RAB27A: variants seen among roughly 807,000 people sequenced by gnomAD.
RAB27A encodes ras-related protein Rab-27A.
RAB27A carries 17 observed loss-of-function variants against 20.8 expected under a neutral mutation model. That is an observed-to-expected ratio of 0.82 (90% CI 0.56 to 1.23). RAB27A has a LOEUF of 1.23. Among genes scored for constraint, RAB27A ranks in the 50% most tolerant of loss-of-function variants. The probability of loss-of-function intolerance (pLI) is 0.00; values close to 1 mark genes in which losing one functional copy is unlikely to be tolerated. For missense variants in RAB27A, 277 were observed against 266.7 expected, an observed-to-expected ratio of 1.04 and a Z score of -0.27; for synonymous variants, 85 against 92.8, an observed-to-expected ratio of 0.92 and a Z score of 0.48.
chr15:55,206,536 T>C (rs1053911848), intron 6 of RAB27A, among the ~76,000 whole-genome samples: 1 of 151,988 alleles, frequency 6.6e-6, no homozygotes, highest in African/African-American at 2.4e-5. Flanking sequence ...AGAGACAGGG[T>C]TTTACCATGT....
chr15:55,318,429 A>G lies in RAB27A; in HGVS notation c.-234+502T>C, dbSNP rs561543603. Among the ~76,000 whole-genome samples, 3 of 139,180 alleles carry G rather than the reference A, an allele frequency of 2.2e-5. No homozygotes were observed. The South Asian group carries it at 8.0e-4, about 37-fold the overall frequency. 91.3% of individuals were successfully genotyped at this position (139,180 alleles called of 152,430 possible). A position where few individuals can be genotyped will look rare whatever the true frequency, so the allele number is the denominator to read the frequency against. Reference sequence around the variant, plus strand: ...ACTTTTAACAAGAGGAGTGGGCCGCACGCGGTGGCTCACGCCTGTAATCCC... The same window carrying G: ...ACTTTTAACAAGAGGAGTGGGCCGCGCGCGGTGGCTCACGCCTGTAATCCC... On this transcript the variant is annotated intron_variant, in intron 1 of 5. Transcript: ENST00000563262.
intron 6 of RAB27A, 27 bp downstream of exon 6, chr15:55,223,862 T>C: frequency 6.2e-7 from 1 of 1,611,528 alleles, no homozygotes; most frequent in Non-Finnish European, 8.5e-7. Context: ...AAATGTTTTC[T>C]CTAGACTTCT....
At chr15:55,273,249 A>G (rs1476211640) in intron 1 of RAB27A, among the ~76,000 whole-genome samples, 4 of 151,920 alleles carry the variant, frequency 2.6e-5, no homozygotes, top group Non-Finnish European at 5.9e-5. Context: ...TCTACTAAAA[A>G]TACAAAAAAA....
At chr15:55,263,944 C>T (rs1287541289) in intron 2 of RAB27A, among the ~76,000 whole-genome samples, 4 of 152,170 alleles carry the variant, frequency 2.6e-5, no homozygotes, top group African/African-American at 7.2e-5. Context: ...TTTAGTCTTA[C>T]AAAAAACCAC....
At chr15:55,258,570 G>C (rs1398867472) in intron 2 of RAB27A, among the ~76,000 whole-genome samples, 1 of 152,134 alleles carries the variant, frequency 6.6e-6, no homozygotes, top group Non-Finnish European at 1.5e-5. Flanking sequence ...AAATTCCTGG[G>C]CTATACCTAT....
chr15:55,259,848 G>A (rs1468240424), intron 2 of RAB27A: 1 of 152,108 alleles, frequency 6.6e-6, no homozygotes, highest in Admixed American at 6.5e-5. Context: ...GACCATCCCT[G>A]GGCCAGTGCC....
At chr15:55,303,768 G>A (rs1183163928) in intron 2 of RAB27A, among the ~76,000 whole-genome samples, 8 of 99,406 alleles carry the variant, frequency 8.0e-5, no homozygotes, top group African/African-American at 2.1e-4. Context: ...CCGGCCAGCC[G>A]CCCCGTCCGG....
intron 1 of RAB27A, among the ~76,000 whole-genome samples, chr15:55,275,906 A>G (rs1897854363): frequency 8.0e-6 from 1 of 125,130 alleles, no homozygotes; most frequent in Non-Finnish European, 1.6e-5. Flanking sequence ...CACATCTGCT[A>G]GGATGGCTAA....
At chr15:55,293,773 C>CG (rs2054935039), upstream of RAB27A, among the ~76,000 whole-genome samples, 1 of 151,988 alleles carries the variant, frequency 6.6e-6, no homozygotes, top group Non-Finnish European at 1.5e-5. Context: ...AAAATTTAGC[C>CG]GGGCGTGGTG....
At chr15:55,279,175 T>C (rs1897951572) in intron 1 of RAB27A, among the ~76,000 whole-genome samples, 1 of 152,178 alleles carries the variant, frequency 6.6e-6, no homozygotes, top group African/African-American at 2.4e-5. Flanking sequence ...AGACTCTTAA[T>C]AAAGGCCCCC....
chr15:55,228,545 A>G, intron 5 of RAB27A, 64 bp downstream of exon 5: 4 of 1,221,460 alleles, frequency 3.3e-6, no homozygotes, highest in Non-Finnish European at 4.9e-6. Context: ...AGTAGAGCAT[A>G]AGAGGGCATT....
At chr15:55,259,059 G>A (rs986527387) in intron 2 of RAB27A, among the ~76,000 whole-genome samples, 6 of 152,124 alleles carry the variant, frequency 3.9e-5, no homozygotes, top group South Asian at 4.2e-4. Flanking sequence ...CAAGTGATCC[G>A]CCCACCTTGG....
intron 4 of RAB27A, among the ~76,000 whole-genome samples, chr15:55,229,762 T>C (rs1199982056): frequency 2.0e-5 from 3 of 152,114 alleles, no homozygotes; most frequent in African/African-American, 4.8e-5. Flanking sequence ...TTCTAAATTA[T>C]ATGGTAAGGG....
chr15:55,231,798 A>G (rs1439273034), intron 3 of RAB27A, among the ~76,000 whole-genome samples: 1 of 152,164 alleles, frequency 6.6e-6, no homozygotes, highest in Non-Finnish European at 1.5e-5. Flanking sequence ...GCTCTTTGAG[A>G]ACAGCCCTAT....
intron 2 of RAB27A, among the ~76,000 whole-genome samples, chr15:55,310,707 A>T (rs1424829269): frequency 6.6e-6 from 1 of 152,102 alleles, no homozygotes; most frequent in Non-Finnish European, 1.5e-5. Context: ...TCTATTATAA[A>T]AAACCGAGGT....
rs188595142 is a variant in RAB27A, at chr15:55,262,410, T to C, written c.-23+7755A>G. Among the ~76,000 whole-genome samples the C allele has an allele frequency of 7.7e-3, 1,172 of 151,292 alleles. 24 individuals are homozygous for C. Among genetic ancestry groups the C allele is most frequent in the African/African-American group, 0.026 (1,085 of 41,248 alleles). ...CAAAAAAATTAGCCGGGCGTGGTGG[T>C]AGGCACCTGTAGTCTCAGGTACTCG... On this transcript the variant is annotated intron_variant, in intron 2 of 6. Coordinates refer to ENST00000336787, the MANE Select transcript of RAB27A (RefSeq NM_183235.3).
intron 2 of RAB27A, among the ~76,000 whole-genome samples, chr15:55,235,901 T>A (rs143665490): frequency 6.6e-6 from 1 of 152,096 alleles, no homozygotes; most frequent in Non-Finnish European, 1.5e-5. Context: ...CTAAGTGAAG[T>A]AAGTCAGGAA....
At chr15:55,246,848 A>C (rs138174044) in intron 2 of RAB27A, among the ~76,000 whole-genome samples, 19 of 152,184 alleles carry the variant, frequency 1.2e-4, no homozygotes, top group African/African-American at 4.6e-4. Flanking sequence ...CAAAATCTAC[A>C]AAGTATGCTC....
intron 2 of RAB27A, among the ~76,000 whole-genome samples, chr15:55,263,335 A>T (rs1897342711): frequency 6.6e-6 from 1 of 152,136 alleles, no homozygotes; most frequent in Non-Finnish European, 1.5e-5. Flanking sequence ...CCAGTCTTCA[A>T]ATGTGCCATA....
Sources: allele counts gnomAD v4.1 joint callset (sites outside exome capture counted in the v4.1 genomes callset), GRCh38; gene constraint gnomAD v4.1.1; transcripts MANE v1.5; gene names NCBI Gene and HGNC (gene_info 2026-07-23, HGNC 2026-07-21).